Variants in KCNQ1 observed in about 807,000 individuals in gnomAD.
The protein encoded by KCNQ1 is potassium voltage-gated channel subfamily KQT member 1.
KCNQ1 carries 49 observed loss-of-function variants against 72.4 expected under a neutral mutation model. The ratio of observed to expected loss-of-function variants is 0.68; its 90% CI spans 0.54 to 0.86. The LOEUF (loss-of-function observed/expected upper bound fraction) is 0.86. Among genes scored for constraint, KCNQ1 ranks in the 40% least tolerant of loss-of-function variants. KCNQ1 has a pLI of 0.00. For synonymous variants in KCNQ1, 450 were observed against 412.6 expected (o/e 1.09, Z -1.10); for missense variants, 790 against 945.1 (o/e 0.84, Z 2.15).
At chr11:2,667,895 G>A (rs1358550421) in intron 11 of KCNQ1, 1 of 398,528 alleles carries the variant, frequency 2.5e-6, no homozygotes, top group Non-Finnish European at 4.4e-6. Flanking sequence ...TGCGCAGCTT[G>A]AGGCATCTTC....
intron 2 of KCNQ1, among the ~76,000 whole-genome samples, chr11:2,533,238 G>A (rs538251687): frequency 6.6e-6 from 1 of 152,232 alleles, no homozygotes; most frequent in African/African-American, 2.4e-5. Context: ...AAACCCCAGC[G>A]CGGCCTCGGA....
At chr11:2,625,521 G>A (rs776381575) in intron 10 of KCNQ1, 9 of 397,400 alleles carry the variant, frequency 2.3e-5, no homozygotes, top group African/African-American at 6.2e-5. Context: ...AACTTTTCAC[G>A]TACTATTATC....
intron 11 of KCNQ1, among the ~76,000 whole-genome samples, chr11:2,700,150 G>A (rs1244023118): frequency 6.6e-6 from 1 of 152,206 alleles, no homozygotes; most frequent in East Asian, 1.9e-4. Context: ...TCCTGTCATT[G>A]GCCGAAAGAG....
chr11:2,507,728 A>G lies in KCNQ1; in HGVS notation c.387-20200A>G, dbSNP rs2133656004. 6.6e-6 allele frequency among the ~76,000 whole-genome samples: 1 copy of G among 152,194 alleles called. No homozygotes were observed. Among genetic ancestry groups the G allele is most frequent in the Non-Finnish European group, 1.5e-5 (1 of 67,996 alleles). On this transcript the variant is annotated intron_variant, in intron 1 of 15. Coordinates refer to ENST00000155840, the MANE Select transcript of KCNQ1 (RefSeq NM_000218.3). This position sits in a 1 kb window ranked among gnomAD's most constrained non-coding sequence, Gnocchi z 5.4. ...GGGCTCACAAGTTAGGGGAGGTGTC[A>G]GTGTGTAAATGACATGAGCGCAGGG...
rs1429563871 is a variant in KCNQ1 at position 2,663,522 on chromosome 11, GT to G, written c.1514+1442del. On this transcript the variant is annotated intron_variant, in intron 11 of 15. Coordinates refer to ENST00000155840, the MANE Select transcript of KCNQ1 (RefSeq NM_000218.3). This position sits in a 1 kb window ranked among gnomAD's most constrained non-coding sequence, Gnocchi z 5.2. The stretch of plus-strand genomic sequence containing the variant: ...GCAGTGCCTGTATTGCCTCTTGGCT[GT>G]CCCCTCAGAGAGGGGACTGTCCCTT... The G allele has an allele frequency of 7.5e-6, 3 of 398,520 alleles. No individual in the cohort carries two copies. The highest frequency in any genetic ancestry group is 6.2e-5 in the African/African-American group (3 of 48,634). The allele number at this position is 398,520 out of a possible 1,614,324, so 24.7% of individuals were successfully genotyped here. A position where few individuals can be genotyped will look rare whatever the true frequency, so the allele number is the denominator to read the frequency against.
chr11:2,454,635 T>C (rs1471918612), intron 1 of KCNQ1, among the ~76,000 whole-genome samples: 1 of 152,178 alleles, frequency 6.6e-6, no homozygotes, highest in African/African-American at 2.4e-5. Flanking sequence ...TTTTACAAAA[T>C]ATGATTCACA....
rs1359088057 is a variant in KCNQ1, at chr11:2,458,683, GGATC to G, written c.386+13208_386+13211del. ...TGGATGGATGGATGGATGGATGGAT[GGATC>G]GATCGATCTCACCAAGCCTCGTGCT... On this transcript the variant is annotated intron_variant, in intron 1 of 15. Coordinates refer to ENST00000155840, the MANE Select transcript of KCNQ1 (RefSeq NM_000218.3). The surrounding 1 kb of genome is among the most constrained non-coding windows in gnomAD (Gnocchi z 4.6). Among the ~76,000 whole-genome samples the G allele has an allele frequency of 3.1e-4, 40 of 127,290 alleles. No individual in the cohort carries two copies. The highest frequency in any genetic ancestry group is 1.6e-3 in the South Asian group (6 of 3,788). The allele number at this position is 127,290 out of a possible 152,430, so 83.5% of individuals were successfully genotyped here.
Position 2,451,122 on chromosome 11 carries a change from A to G in KCNQ1, c.386+5638A>G, listed in dbSNP as rs951067028. ...GGGGGTGCCTGAGCCCTTCTGCAGA[A>G]ACACCGTTCCCCGTAGAGCAGCAGT... On this transcript the variant is annotated intron_variant, in intron 1 of 15. Transcript: ENST00000155840. The surrounding 1 kb of genome is among the most constrained non-coding windows in gnomAD (Gnocchi z 6.4). 2.0e-5 allele frequency among the ~76,000 whole-genome samples: 3 copies of G among 152,138 alleles called. No homozygotes were observed. The highest frequency in any genetic ancestry group is 4.4e-5 in the Non-Finnish European group (3 of 68,022).
intron 1 of KCNQ1, among the ~76,000 whole-genome samples, chr11:2,524,814 G>A (rs548367364): frequency 5.6e-4 from 85 of 152,336 alleles, no homozygotes; most frequent in Non-Finnish European, 3.8e-4. Flanking sequence ...ACTGAGGCAG[G>A]GGAGCTGCCT....
intron 10 of KCNQ1, chr11:2,655,409 C>G (rs231346): frequency 0.11 from 41,992 of 398,626 alleles, 2,456 homozygotes; most frequent in Middle Eastern, 0.16. Context: ...ATGCTGTGCT[C>G]TTTGTCCCCA....
chr11:2,584,023 T>A (rs1848546361), intron 7 of KCNQ1, among the ~76,000 whole-genome samples: 1 of 152,096 alleles, frequency 6.6e-6, no homozygotes, highest in Admixed American at 6.5e-5. Context: ...GTGCATAATA[T>A]GTGTTTGTGT....
intron 10 of KCNQ1, chr11:2,639,050 G>C (rs925393678): frequency 6.6e-6 from 1 of 152,212 alleles, no homozygotes; most frequent in Admixed American, 6.5e-5. Flanking sequence ...CTTGTGCCAT[G>C]GTTTTCTGCT....
rs1006780220 is a variant in KCNQ1 at position 2,827,848 on chromosome 11, C to T, written c.1795-19919C>T. Among the ~76,000 whole-genome samples, 9 of 152,174 alleles carry T rather than the reference C, an allele frequency of 5.9e-5. No homozygotes were observed. The highest frequency in any genetic ancestry group is 1.9e-4 in the East Asian group (1 of 5,184). On this transcript the variant is annotated intron_variant, in intron 15 of 15. Coordinates refer to ENST00000155840, the MANE Select transcript of KCNQ1 (RefSeq NM_000218.3). The surrounding 1 kb of genome is among the most constrained non-coding windows in gnomAD (Gnocchi z 6.7). ...GTTTTCCGGAATGAAGAGGAAGGGG[C>T]GGGCAGAAGGCAGCGAGAGCTTTGT... is the stretch of plus-strand genomic sequence containing the variant.
chr11:2,702,831 C>T (rs1448720566), intron 11 of KCNQ1, among the ~76,000 whole-genome samples: 1 of 152,164 alleles, frequency 6.6e-6, no homozygotes, highest in Non-Finnish European at 1.5e-5. Flanking sequence ...GCTCACCAGA[C>T]GTGGTCAGGA....
rs117618376 is a variant in KCNQ1, at chr11:2,517,033, C to T, written c.387-10895C>T. Among the ~76,000 whole-genome samples the T allele has an allele frequency of 1.4e-3, 206 of 152,300 alleles. 3 individuals carry two copies. In the East Asian group the frequency reaches 0.032, roughly 23 times the overall value. Reference sequence around the variant, plus strand: ...CTCAAGCACGGCTGTGTTCACCCCCCAGGCTGCTCCTGGAAAGGAGGGATC... The same window carrying T: ...CTCAAGCACGGCTGTGTTCACCCCCTAGGCTGCTCCTGGAAAGGAGGGATC... On this transcript the variant is annotated intron_variant, in intron 1 of 15. Transcript: ENST00000155840.
intron 10 of KCNQ1, chr11:2,635,142 T>A (rs1430880996): frequency 6.6e-6 from 1 of 152,204 alleles, no homozygotes; most frequent in Non-Finnish European, 1.5e-5. Context: ...GCCTATTCAC[T>A]CTGACGGTAG....
At position 2,562,568 on chromosome 11, in the gene KCNQ1, AG is replaced by A; in HGVS notation, c.478-8055del. On this transcript the variant is annotated intron_variant, in intron 2 of 15. Transcript: ENST00000155840. The surrounding 1 kb of genome is among the most constrained non-coding windows in gnomAD (Gnocchi z 7.5). ...AGCCCTCTGGCTTCCTCGCTATGGG[AG>A]GGGGTGAGACCCTAATCCCGGGTCC... Among the ~76,000 whole-genome samples the A allele has an allele frequency of 1.3e-5, 2 of 152,092 alleles. 1 individual carries two copies. Among genetic ancestry groups the A allele is most frequent in the Middle Eastern group, 6.8e-3 (2 of 294 alleles).
At position 2,719,043 on chromosome 11, in the gene KCNQ1, C is replaced by T. The variant is rs550032436; in HGVS notation, c.1515-49801C>T. Reference sequence around the variant, plus strand: ...ACTCATCTACGCTTGTGACCCCCCTCCCGCCCCTGAGTGTGTGCTGGGGCA... The same window carrying T: ...ACTCATCTACGCTTGTGACCCCCCTTCCGCCCCTGAGTGTGTGCTGGGGCA... On this transcript the variant is annotated intron_variant, in intron 11 of 15. Coordinates refer to ENST00000155840, the MANE Select transcript of KCNQ1 (RefSeq NM_000218.3). Among the ~76,000 whole-genome samples, 7 of 152,360 alleles carry T rather than the reference C, an allele frequency of 4.6e-5. No homozygotes were observed. The South Asian group carries it at 8.3e-4, about 18-fold the overall frequency.
rs1289122203 is a variant in KCNQ1 at position 2,599,444 on chromosome 11, T to C, written c.1393+10590T>C. On this transcript the variant is annotated intron_variant, in intron 10 of 15. Transcript: ENST00000155840. This position sits in a 1 kb window ranked among gnomAD's most constrained non-coding sequence, Gnocchi z 4.7. ...CCTTTGGTGTACATACTCTGTGATG[T>C]TCTCTATCGCTTAAAATTCATTTTG... Among the ~76,000 whole-genome samples the C allele has an allele frequency of 6.6e-6, 1 of 152,234 alleles. No homozygotes were observed. The highest frequency in any genetic ancestry group is 1.5e-5 in the Non-Finnish European group (1 of 68,038).
Sources: gnomAD v4.1 joint callset for allele counts (sites outside exome capture counted in the v4.1 genomes callset) on GRCh38, gnomAD v4.1.1 for gene constraint, Gnocchi (gnomAD v3.1) non-coding constraint, MANE v1.5 for transcripts, NCBI Gene and HGNC (gene_info 2026-07-23, HGNC 2026-07-21) for gene names.